PIBF1: variants seen among roughly 807,000 people sequenced by gnomAD.
PIBF1 encodes progesterone immunomodulatory binding factor 1, also known as progesterone-induced-blocking factor 1.
A neutral mutation model predicts 112.5 loss-of-function variants in PIBF1; 90 were observed. The ratio of observed to expected loss-of-function variants is 0.80; its 90% CI spans 0.67 to 0.95. The LOEUF is 0.95. Ranked by LOEUF, PIBF1 falls within the 40% of genes least tolerant of loss-of-function variation. The pLI is 0.00. For synonymous variants in PIBF1, 301 were observed against 288.6 expected, an observed-to-expected ratio of 1.04 and a Z score of -0.44; for missense variants, 915 against 852.3, an observed-to-expected ratio of 1.07 and a Z score of -0.92.
chr13:72,860,218 T>G (rs2138363494), intron 10 of PIBF1, among the ~76,000 whole-genome samples: 1 of 152,196 alleles, frequency 6.6e-6, no homozygotes, highest in South Asian at 2.1e-4. Context: ...CTCATTAAAT[T>G]ACCATGCAAA....
rs1386889197 is a variant in PIBF1 at position 72,928,008 on chromosome 13, T to TATATATATAC, written c.1731-3150_1731-3149insTACATATATA. On this transcript the variant is annotated intron_variant, in intron 13 of 17. Coordinates refer to ENST00000326291, the MANE Select transcript of PIBF1 (RefSeq NM_006346.4). Reference sequence around the variant, plus strand: ...ATATATACACACACATATATATACATATATATACATATATATACATATATA... The same window carrying TATATATATAC: ...ATATATACACACACATATATATACATATATATATACATATATACATATATATACATATATA... Among the ~76,000 whole-genome samples the TATATATATAC allele has an allele frequency of 8.3e-3, 571 of 68,834 alleles. 5 individuals carry two copies. The highest frequency in any genetic ancestry group is 0.019 in the Admixed American group (93 of 4,808). 45.2% of individuals were successfully genotyped at this position (68,834 alleles called of 152,430 possible). A position where few individuals can be genotyped will look rare whatever the true frequency, so the allele number is the denominator to read the frequency against.
rs865883692 is a variant in PIBF1, at chr13:72,792,459, G to C, written c.265G>C (p.Glu89Gln). 3.2e-6 allele frequency: 5 copies of C among 1,552,466 alleles called. No homozygotes were observed. The Middle Eastern group carries it at 8.4e-4, about 262-fold the overall frequency. The change falls in exon 3 of 18, where the codon GAG (glutamate) becomes CAG (glutamine). Residue 89 changes from glutamate (E) to glutamine (Q), a missense_variant. By Grantham distance (29) the Glu-to-Gln change is conservative. Transcript: ENST00000326291. ...TCTCTTTACGAAGATTGAAGAATTG[G>C]AGGAGAAACTTAATGATGCACTTCA... ...VDYLTKIEELEEKLNDALHQK... is the reference protein window; with the variant it reads ...VDYLTKIEELQEKLNDALHQK...
At chr13:72,918,265 A>G (rs1332529329) in intron 13 of PIBF1, among the ~76,000 whole-genome samples, 1 of 152,126 alleles carries the variant, frequency 6.6e-6, no homozygotes, top group Non-Finnish European at 1.5e-5. Flanking sequence ...TTCTCTGCCT[A>G]TAAAGCAACT....
chr13:72,821,826 G>A (rs1283579395), intron 5 of PIBF1, 23 bp from the exon 6 acceptor site: 1 of 1,584,096 alleles, frequency 6.3e-7, no homozygotes, highest in Non-Finnish European at 8.6e-7. Flanking sequence ...TCTGAAATGT[G>A]TTATTATTCC....
At chr13:72,803,704 A>T (rs1471153847) in intron 5 of PIBF1, among the ~76,000 whole-genome samples, 1 of 152,194 alleles carries the variant, frequency 6.6e-6, no homozygotes, top group Non-Finnish European at 1.5e-5. Context: ...AAAACAACTG[A>T]AGAATATATT....
At chr13:72,809,326 G>T (rs1382399682) in intron 5 of PIBF1, among the ~76,000 whole-genome samples, 1 of 151,360 alleles carries the variant, frequency 6.6e-6, no homozygotes, top group Non-Finnish European at 1.5e-5. Context: ...TTAGAACTTG[G>T]AGAATGGAGT....
chr13:72,824,786 T>C (rs2036724560), intron 6 of PIBF1, among the ~76,000 whole-genome samples: 1 of 152,226 alleles, frequency 6.6e-6, no homozygotes, highest in African/African-American at 2.4e-5. Flanking sequence ...AGTTAAACTC[T>C]GGCAGATGCT....
chr13:72,876,980 C>A (rs1434164188), intron 10 of PIBF1, among the ~76,000 whole-genome samples: 1 of 152,096 alleles, frequency 6.6e-6, no homozygotes, highest in Admixed American at 6.6e-5. Flanking sequence ...AGTAGGACAA[C>A]TTCAGGTTTC....
At chr13:72,848,677 C>CAA (rs1403150520) in intron 9 of PIBF1, among the ~76,000 whole-genome samples, 8 of 151,962 alleles carry the variant, frequency 5.3e-5, no homozygotes, top group African/African-American at 1.9e-4. Flanking sequence ...ACTAAAAATA[C>CAA]AAAAAATTAG....
At chr13:72,942,147 C>G (rs973731763) in intron 14 of PIBF1, among the ~76,000 whole-genome samples, 6 of 151,830 alleles carry the variant, frequency 4.0e-5, no homozygotes, top group Non-Finnish European at 8.8e-5. Context: ...ACATACAACT[C>G]ACAGGACCAC....
intron 2 of PIBF1, among the ~76,000 whole-genome samples, chr13:72,784,153 G>C (rs551714753): frequency 1.4e-4 from 22 of 151,846 alleles, no homozygotes; most frequent in African/African-American, 5.3e-4. Flanking sequence ...CACAATGTAC[G>C]TATACTTCAA....
At chr13:72,940,104 A>G (rs1437381389) in intron 14 of PIBF1, among the ~76,000 whole-genome samples, 3 of 152,144 alleles carry the variant, frequency 2.0e-5, no homozygotes, top group Non-Finnish European at 4.4e-5. Context: ...AAATTTTTAA[A>G]TACTTCAATC....
rs200387795 is a variant in PIBF1 at position 73,013,065 on chromosome 13, G to A, written c.2224-2804G>A. On this transcript the variant is annotated intron_variant, in intron 17 of 17. Coordinates refer to ENST00000326291, the MANE Select transcript of PIBF1 (RefSeq NM_006346.4). Reference sequence around the variant, plus strand: ...GCCTGTAATCCCAGCACTTTGGGAGGCCGAGGCGGGCGGATCACGAGGTCA... The same window carrying A: ...GCCTGTAATCCCAGCACTTTGGGAGACCGAGGCGGGCGGATCACGAGGTCA... Among the ~76,000 whole-genome samples, 20 of 151,968 alleles carry A rather than the reference G, an allele frequency of 1.3e-4. No homozygotes were observed. The East Asian group carries it at 3.9e-3, about 29-fold the overall frequency.
At chr13:72,983,009 A>G (rs568229532) in intron 16 of PIBF1, among the ~76,000 whole-genome samples, 1 of 152,306 alleles carries the variant, frequency 6.6e-6, no homozygotes, top group Middle Eastern at 3.4e-3. Flanking sequence ...ACTTATACAG[A>G]ATCATATATA....
chr13:72,826,909 T>A (rs1199201672), intron 6 of PIBF1, 101 bp from the exon 7 acceptor site: 1 of 542,484 alleles, frequency 1.8e-6, no homozygotes, highest in Admixed American at 3.5e-5. Context: ...CCATTGCTAG[T>A]GTCTCTATTC....
chr13:72,828,441 G>A (rs192007729), intron 8 of PIBF1, among the ~76,000 whole-genome samples: 5 of 151,818 alleles, frequency 3.3e-5, no homozygotes, highest in South Asian at 2.1e-4. Context: ...CCCACTCCCC[G>A]ACAGGCGCCG....
intron 9 of PIBF1, among the ~76,000 whole-genome samples, chr13:72,837,711 T>G (rs1433602685): frequency 3.3e-5 from 5 of 152,318 alleles, no homozygotes; most frequent in Admixed American, 3.3e-4. Context: ...GTTTCCAGTA[T>G]ATAAACATCT....
intron 17 of PIBF1, among the ~76,000 whole-genome samples, chr13:73,005,919 C>CTTTTTT (rs34315714): frequency 1.5e-5 from 2 of 132,812 alleles, no homozygotes; most frequent in Non-Finnish European, 3.1e-5. Context: ...TCTGGTTTCA[C>CTTTTTT]TTTTTTTTTT....
At chr13:72,974,003 G>T (rs906489947) in intron 16 of PIBF1, 1 of 331,770 alleles carries the variant, frequency 3.0e-6, no homozygotes. Context: ...TATGCCCAGT[G>T]CCTGTAGTGT....
Sources: allele counts gnomAD v4.1 joint callset (sites outside exome capture counted in the v4.1 genomes callset), GRCh38; gene constraint gnomAD v4.1.1; transcripts MANE v1.5; gene names NCBI Gene and HGNC (gene_info 2026-07-23, HGNC 2026-07-21).